SIK2: variants seen among roughly 807,000 people sequenced by gnomAD.
SIK2 encodes the protein salt inducible kinase 2.
In SIK2, 29 loss-of-function variants were observed where a neutral mutation model predicts 103.2. That is an observed-to-expected ratio of 0.28 (90% CI 0.21 to 0.38). The LOEUF (loss-of-function observed/expected upper bound fraction) is 0.38, where lower values mean the gene tolerates loss of function less well. Among genes scored for constraint, SIK2 ranks in the 10% least tolerant of loss-of-function variants. The pLI is 1.00. For missense variants in SIK2, 879 were observed against 1,171.0 expected, an observed-to-expected ratio of 0.75 and a Z score of 3.64; for synonymous variants, 412 against 446.1, an observed-to-expected ratio of 0.92 and a Z score of 0.96.
At chr11:111,694,927 A>C (rs1199371055) in intron 4 of SIK2, among the ~76,000 whole-genome samples, 1 of 152,192 alleles carries the variant, frequency 6.6e-6, no homozygotes, top group African/African-American at 2.4e-5. Flanking sequence ...GCAGGATCAC[A>C]TTTCATCTCA....
intron 3 of SIK2, among the ~76,000 whole-genome samples, chr11:111,657,484 G>A (rs1239874102): frequency 6.6e-6 from 1 of 152,106 alleles, no homozygotes; most frequent in East Asian, 1.9e-4. Context: ...CAACCTCCCA[G>A]CCTCAAGCGA....
chr11:111,655,526 A>G (rs1942380682), intron 3 of SIK2, among the ~76,000 whole-genome samples: 1 of 152,240 alleles, frequency 6.6e-6, no homozygotes, highest in South Asian at 2.1e-4. Flanking sequence ...AGTGTTTTAT[A>G]TTAACTGCTG....
intron 3 of SIK2, among the ~76,000 whole-genome samples, chr11:111,645,909 G>T (rs1334021862): frequency 6.6e-6 from 1 of 152,116 alleles, no homozygotes; most frequent in Non-Finnish European, 1.5e-5. Flanking sequence ...TATGGGGGAG[G>T]TGCTTCTGGA....
Position 111,727,387 on chromosome 11 carries a change from G to A in SIK2, c.*3258G>A. 2.8e-6 allele frequency: 1 copy of A among 362,774 alleles called. No individual in the cohort carries two copies. Among genetic ancestry groups the A allele is most frequent in the Non-Finnish European group, 5.1e-6 (1 of 196,128 alleles). The allele number at this position is 362,774 out of a possible 1,614,324, so 22.5% of individuals were successfully genotyped here. A position where few individuals can be genotyped will look rare whatever the true frequency, so the allele number is the denominator to read the frequency against. On this transcript the variant is annotated 3_prime_UTR_variant, in exon 15 of 15. Coordinates refer to ENST00000304987, the MANE Select transcript of SIK2 (RefSeq NM_015191.3). ...TTCCTCAGATATCAAGAACTCCCAA[G>A]TGTTTAAACCGTATGCTGGAGTCAG...
chr11:111,704,693 T>TGAC (rs1943300053), intron 7 of SIK2, among the ~76,000 whole-genome samples: 1 of 152,206 alleles, frequency 6.6e-6, no homozygotes, highest in Non-Finnish European at 1.5e-5. Context: ...GGGGAATGTC[T>TGAC]ACATGAGACA....
At chr11:111,721,118 T>C in intron 12 of SIK2, 56 bp downstream of exon 12, 1 of 1,540,802 alleles carries the variant, frequency 6.5e-7, no homozygotes, top group East Asian at 2.3e-5. Context: ...TGTGAGTTTG[T>C]CCTGAAGATG....
At position 111,651,402 on chromosome 11, in the gene SIK2, G is replaced by A. The variant is rs776695481; in HGVS notation, c.316+31000G>A. 7.0e-4 allele frequency among the ~76,000 whole-genome samples: 106 copies of A among 152,158 alleles called. 1 individual carries two copies. The highest frequency in any genetic ancestry group is 1.4e-3 in the Non-Finnish European group (94 of 68,040). On this transcript the variant is annotated intron_variant, in intron 3 of 14. Coordinates refer to ENST00000304987, the MANE Select transcript of SIK2 (RefSeq NM_015191.3). ...TGCAGGGACATGGGTGAAGCTGGAA[G>A]CCATTATCCTCAGCAAACTAATGCC... is the stretch of plus-strand genomic sequence containing the variant.
intron 10 of SIK2, 56 bp downstream of exon 10, chr11:111,720,059 A>G (rs1270818547): frequency 1.2e-5 from 19 of 1,534,806 alleles, no homozygotes; most frequent in African/African-American, 8.2e-5. Context: ...TCATACTCCA[A>G]TTGCCAACAA....
chr11:111,716,902 C>T (rs1943656597), intron 9 of SIK2, among the ~76,000 whole-genome samples: 1 of 152,134 alleles, frequency 6.6e-6, no homozygotes, highest in African/African-American at 2.4e-5. Context: ...GGTCTAATAT[C>T]CAGCCCATAA....
intron 9 of SIK2, among the ~76,000 whole-genome samples, chr11:111,719,439 T>C (rs918225153): frequency 6.0e-5 from 9 of 149,630 alleles, no homozygotes; most frequent in Non-Finnish European, 3.0e-5. Context: ...ATTTCCCTTA[T>C]TTAAAAAAAA....
rs961675562 is a variant in SIK2, at chr11:111,667,078, A to G, written c.317-20923A>G. On this transcript the variant is annotated intron_variant, in intron 3 of 14. Transcript: ENST00000304987. Reference sequence around the variant, plus strand: ...CGCCTCCCAGGTTCAAGCAATCCTCATGCCTCAGCCTCCCGAGTAGCTGGG... The same window carrying G: ...CGCCTCCCAGGTTCAAGCAATCCTCGTGCCTCAGCCTCCCGAGTAGCTGGG... Among the ~76,000 whole-genome samples the G allele has an allele frequency of 3.3e-5, 5 of 151,298 alleles. No individual in the cohort carries two copies. In the East Asian group the frequency reaches 9.8e-4, roughly 30 times the overall value.
chr11:111,668,015 C>T (rs1436495009), intron 3 of SIK2, among the ~76,000 whole-genome samples: 1 of 151,972 alleles, frequency 6.6e-6, no homozygotes, highest in Non-Finnish European at 1.5e-5. Context: ...GCAAGTCCTA[C>T]CCAGACAGGA....
chr11:111,684,690 T>C (rs886248334), intron 3 of SIK2, among the ~76,000 whole-genome samples: 4 of 152,254 alleles, frequency 2.6e-5, no homozygotes, highest in Non-Finnish European at 4.4e-5. Context: ...TTCGCTCTTA[T>C]GCAGAGAAGG....
At chr11:111,686,075 A>G (rs997062350) in intron 3 of SIK2, among the ~76,000 whole-genome samples, 2 of 152,216 alleles carry the variant, frequency 1.3e-5, no homozygotes, top group Non-Finnish European at 2.9e-5. Flanking sequence ...AGGTTTTAGG[A>G]AGATGAAATG....
At chr11:111,674,749 A>ATT (rs1205063442) in intron 3 of SIK2, among the ~76,000 whole-genome samples, 5 of 145,502 alleles carry the variant, frequency 3.4e-5, no homozygotes, top group Non-Finnish European at 4.6e-5. Context: ...TACTGTGATA[A>ATT]TTTTTTTTTT....
At chr11:111,655,310 G>A (rs909623422) in intron 3 of SIK2, among the ~76,000 whole-genome samples, 3 of 152,238 alleles carry the variant, frequency 2.0e-5, no homozygotes, top group Admixed American at 2.0e-4. Context: ...GCTGAGAGGC[G>A]AGAGAATTGC....
intron 3 of SIK2, among the ~76,000 whole-genome samples, chr11:111,680,160 T>C (rs1429970777): frequency 6.6e-6 from 1 of 152,006 alleles, no homozygotes; most frequent in Non-Finnish European, 1.5e-5. Context: ...ATAGTAACAT[T>C]TTTGTACTGA....
intron 8 of SIK2, among the ~76,000 whole-genome samples, chr11:111,706,618 T>C (rs1254171272): frequency 6.6e-6 from 1 of 152,226 alleles, no homozygotes; most frequent in African/African-American, 2.4e-5. Context: ...TAAATCTTCT[T>C]GATTTTAGTA....
At chr11:111,699,946 G>A (rs1484325252) in intron 4 of SIK2, among the ~76,000 whole-genome samples, 1 of 152,194 alleles carries the variant, frequency 6.6e-6, no homozygotes, top group Admixed American at 6.5e-5. Context: ...GCTCCAGCTG[G>A]GTGGAGAGCC....
Sources: gnomAD v4.1 joint callset for allele counts (sites outside exome capture counted in the v4.1 genomes callset) on GRCh38, gnomAD v4.1.1 for gene constraint, MANE v1.5 for transcripts, NCBI Gene and HGNC (gene_info 2026-07-23, HGNC 2026-07-21) for gene names.